Variants in TLL1 observed in about 807,000 individuals in gnomAD.
The protein encoded by TLL1 is tolloid like 1.
A neutral mutation model predicts 128.2 loss-of-function variants in TLL1; 49 were observed. The observed-to-expected ratio is 0.38, with a 90% confidence interval of 0.30 to 0.48. TLL1 has a LOEUF of 0.48. TLL1 is among the 20% of genes least tolerant of loss of function. TLL1 has a pLI of 0.96. For synonymous variants in TLL1, 454 were observed against 418.8 expected (o/e 1.08, Z -1.03); for missense variants, 1,123 against 1,242.0 (o/e 0.90, Z 1.44).
chr4:166,075,175 G>A (rs1218451797), intron 17 of TLL1, among the ~76,000 whole-genome samples, 172 bp downstream of exon 17: 1 of 152,174 alleles, frequency 6.6e-6, no homozygotes, highest in Non-Finnish European at 1.5e-5. Flanking sequence ...CAGATGACTG[G>A]ATCTGTACTT....
chr4:165,929,292 G>A (rs1733409292), intron 1 of TLL1, among the ~76,000 whole-genome samples: 2 of 152,124 alleles, frequency 1.3e-5, no homozygotes, highest in South Asian at 4.1e-4. Context: ...GTTTAAAGAA[G>A]TAGAGGGAGG....
At chr4:166,089,627 C>T (rs1160551170) in intron 18 of TLL1, among the ~76,000 whole-genome samples, 3 of 152,138 alleles carry the variant, frequency 2.0e-5, no homozygotes, top group African/African-American at 4.8e-5. Context: ...TTTCCCTACG[C>T]TGTCTTCTCT....
chr4:166,007,530 A>G (rs368227699), intron 6 of TLL1, among the ~76,000 whole-genome samples: 96 of 151,826 alleles, frequency 6.3e-4, no homozygotes, highest in African/African-American at 2.2e-3. Flanking sequence ...GATCTAAACC[A>G]AATAGGAAGA....
intron 1 of TLL1, among the ~76,000 whole-genome samples, chr4:165,899,423 C>A (rs1262874645): frequency 6.6e-6 from 1 of 152,090 alleles, no homozygotes; most frequent in Admixed American, 6.5e-5. Context: ...TATGTTGTTT[C>A]TTTGTTCTCA....
At chr4:165,893,240 C>A (rs1331296092) in intron 1 of TLL1, among the ~76,000 whole-genome samples, 2 of 152,150 alleles carry the variant, frequency 1.3e-5, no homozygotes, top group Non-Finnish European at 2.9e-5. Context: ...GTAACAGGGA[C>A]TACATTTATC....
intron 1 of TLL1, among the ~76,000 whole-genome samples, chr4:165,956,951 T>C (rs916602496): frequency 1.3e-5 from 2 of 152,114 alleles, no homozygotes; most frequent in South Asian, 2.1e-4. Context: ...GCTTCACAAT[T>C]GCATCTACAA....
At chr4:165,919,295 A>G (rs1208817398) in intron 1 of TLL1, among the ~76,000 whole-genome samples, 1 of 151,092 alleles carries the variant, frequency 6.6e-6, no homozygotes, top group Non-Finnish European at 1.5e-5. Context: ...AAGCAGGAGG[A>G]TCACTTCAGC....
intron 1 of TLL1, among the ~76,000 whole-genome samples, chr4:165,879,862 C>A (rs2110808431): frequency 6.6e-6 from 1 of 152,140 alleles, no homozygotes; most frequent in East Asian, 1.9e-4. Flanking sequence ...AGGATTTCCT[C>A]ATCCTCAGGA....
intron 1 of TLL1, among the ~76,000 whole-genome samples, chr4:165,963,313 C>A (rs762240716): frequency 1.4e-4 from 21 of 151,876 alleles, no homozygotes; most frequent in Non-Finnish European, 2.5e-4. Flanking sequence ...CATCCCCCAG[C>A]CAGAATCTAA....
intron 2 of TLL1, 131 bp from the exon 3 acceptor site, chr4:165,992,673 A>G: frequency 1.2e-6 from 1 of 802,638 alleles, no homozygotes; most frequent in South Asian, 1.6e-5. Flanking sequence ...ATTCATGGAT[A>G]TTCATAATTT....
At chr4:166,088,929 G>A (rs975271508) in intron 18 of TLL1, among the ~76,000 whole-genome samples, 2 of 152,090 alleles carry the variant, frequency 1.3e-5, no homozygotes, top group Non-Finnish European at 2.9e-5. Flanking sequence ...AGTCTTCAAT[G>A]GACCAATCAA....
At chr4:165,913,337 C>T (rs1732627117) in intron 1 of TLL1, among the ~76,000 whole-genome samples, 1 of 152,088 alleles carries the variant, frequency 6.6e-6, no homozygotes, top group Non-Finnish European at 1.5e-5. Context: ...TGAGAGAAGG[C>T]CTTCTCAGAG....
intron 1 of TLL1, among the ~76,000 whole-genome samples, chr4:165,919,522 G>GTATATATATA (rs1250212953): frequency 1.3e-5 from 2 of 151,186 alleles, no homozygotes; most frequent in African/African-American, 4.9e-5. Flanking sequence ...AATTCATATA[G>GTATATATATA]TATATATATA....
rs528782836 is a variant in TLL1, at chr4:166,068,201, G to A, written c.2188+2338G>A. ...CCTGGGAGTTTCTGTTAGTGGGAAA[G>A]ATGTTTGCCCAGGAAAAGGGAAGGT... On this transcript the variant is annotated intron_variant, in intron 16 of 20. Coordinates refer to ENST00000061240, the MANE Select transcript of TLL1 (RefSeq NM_012464.5). 2.4e-3 allele frequency among the ~76,000 whole-genome samples: 369 copies of A among 151,838 alleles called. 3 individuals are homozygous for A. Among genetic ancestry groups the A allele is most frequent in the African/African-American group, 8.5e-3 (351 of 41,530 alleles).
chr4:165,954,330 T>G (rs971031909), intron 1 of TLL1, among the ~76,000 whole-genome samples: 1 of 152,112 alleles, frequency 6.6e-6, no homozygotes, highest in African/African-American at 2.4e-5. Flanking sequence ...AAGGAATAAG[T>G]AGGTTCTCCA....
chr4:166,093,095 G>A (rs1741850681), intron 19 of TLL1, among the ~76,000 whole-genome samples: 1 of 152,108 alleles, frequency 6.6e-6, no homozygotes, highest in Admixed American at 6.6e-5. Flanking sequence ...ACACCTGTGG[G>A]TATTTCTCAT....
intron 1 of TLL1, among the ~76,000 whole-genome samples, chr4:165,948,477 A>G (rs1157650181): frequency 1.3e-5 from 2 of 152,102 alleles, no homozygotes; most frequent in Non-Finnish European, 2.9e-5. Flanking sequence ...AAACTAAGGA[A>G]TTTATAAAGA....
At chr4:165,894,066 T>C (rs1731545330) in intron 1 of TLL1, among the ~76,000 whole-genome samples, 1 of 152,156 alleles carries the variant, frequency 6.6e-6, no homozygotes, top group African/African-American at 2.4e-5. Flanking sequence ...TATCTTATAT[T>C]ATAACACTGA....
At chr4:165,897,698 T>C (rs1212196310) in intron 1 of TLL1, among the ~76,000 whole-genome samples, 3 of 134,926 alleles carry the variant, frequency 2.2e-5, no homozygotes, top group African/African-American at 8.4e-5. Flanking sequence ...CTTAGGATTG[T>C]CTTGGCTATA....
Sources: allele counts gnomAD v4.1 joint callset (sites outside exome capture counted in the v4.1 genomes callset), GRCh38; gene constraint gnomAD v4.1.1; transcripts MANE v1.5; gene names NCBI Gene and HGNC (gene_info 2026-07-23, HGNC 2026-07-21).